Variants in TSKS observed in about 807,000 individuals in gnomAD.
The protein encoded by TSKS is testis-specific serine kinase substrate.
A neutral mutation model predicts 68.0 loss-of-function variants in TSKS; 27 were observed. The ratio of observed to expected loss-of-function variants is 0.40; its 90% CI spans 0.29 to 0.55. The LOEUF is 0.55. TSKS is among the 20% of genes least tolerant of loss of function. TSKS has a pLI of 0.53. For synonymous variants in TSKS, 331 were observed against 340.4 expected (o/e 0.97, Z 0.30); for missense variants, 806 against 776.0 (o/e 1.04, Z -0.46).
At chr19:49,754,479 A>G (rs144212152) in intron 2 of TSKS, among the ~76,000 whole-genome samples, 200 of 151,942 alleles carry the variant, frequency 1.3e-3, no homozygotes, top group Non-Finnish European at 2.5e-3. Flanking sequence ...AGCCCGGGTG[A>G]TAGAGTGAGA....
intron 2 of TSKS, among the ~76,000 whole-genome samples, chr19:49,760,865 G>A (rs2084434444): frequency 6.6e-6 from 1 of 152,048 alleles, no homozygotes; most frequent in Non-Finnish European, 1.5e-5. Flanking sequence ...GAGGTGGGCA[G>A]ATCACCTGAG....
chr19:49,752,764 G>A (rs755731879), intron 2 of TSKS, among the ~76,000 whole-genome samples: 1 of 152,240 alleles, frequency 6.6e-6, no homozygotes, highest in Non-Finnish European at 1.5e-5. Flanking sequence ...GCCTTGAAAT[G>A]TTCCAACAAA....
chr19:49,740,945 G>A (rs1231501901), intron 9 of TSKS, among the ~76,000 whole-genome samples: 1 of 151,806 alleles, frequency 6.6e-6, no homozygotes, highest in Non-Finnish European at 1.5e-5. Context: ...TTGGGAGGCT[G>A]AGGCAGGCGG....
chr19:49,753,274 T>C (rs2084365227), intron 2 of TSKS, among the ~76,000 whole-genome samples: 1 of 151,914 alleles, frequency 6.6e-6, no homozygotes, highest in Non-Finnish European at 1.5e-5. Flanking sequence ...AAAATAGTAA[T>C]AAAATAGGCC....
intron 2 of TSKS, among the ~76,000 whole-genome samples, chr19:49,752,407 G>C (rs1014022551): frequency 1.3e-5 from 2 of 148,928 alleles, no homozygotes; most frequent in African/African-American, 2.5e-5. Context: ...AAAAAAACTT[G>C]TGTGGCATCT....
rs1436556360 is a variant in TSKS at position 49,762,105 on chromosome 19, A to G, written c.298T>C (p.Ser100Pro). The change falls in exon 2 of 11, where the codon TCC becomes CCC. Residue 100 changes from serine to proline, a missense_variant. Coordinates refer to ENST00000246801, the MANE Select transcript of TSKS (RefSeq NM_021733.2). ...MEPTDSTGTD[S>P]TVEDLSGQLT... ...TGGCCGCTGAGGTCTTCCACTGTGG[A>G]GTCTGTCCCCGTGGAGTCAGTGGGC... is the stretch of plus-strand genomic sequence containing the variant. 1.9e-6 allele frequency: 3 copies of G among 1,614,048 alleles called. No individual in the cohort carries two copies. The highest frequency in any genetic ancestry group is 1.1e-5 in the South Asian group (1 of 91,080).
intron 2 of TSKS, among the ~76,000 whole-genome samples, chr19:49,759,329 C>T (rs1343641006): frequency 1.3e-5 from 2 of 151,306 alleles, no homozygotes; most frequent in East Asian, 2.0e-4. Context: ...ATTAGCCGGG[C>T]GTGGTGGCAC....
At chr19:49,762,307 A>C in intron 1 of TSKS, 75 bp from the exon 2 acceptor site, 3 of 1,131,658 alleles carry the variant, frequency 2.7e-6, no homozygotes, top group Non-Finnish European at 3.9e-6. Flanking sequence ...TCCTTTCTCC[A>C]TACCTCACCC....
At chr19:49,751,465 G>A (rs1305910054) in intron 2 of TSKS, among the ~76,000 whole-genome samples, 1 of 141,740 alleles carries the variant, frequency 7.1e-6, no homozygotes, top group African/African-American at 2.9e-5. Flanking sequence ...AGTGACTCTC[G>A]ATAAAAAACG....
rs140189613 is a variant in TSKS, at chr19:49,744,833, G to A, written c.1187+369C>T. 4.4e-3 allele frequency among the ~76,000 whole-genome samples: 669 copies of A among 152,128 alleles called. 7 individuals carry two copies. Among genetic ancestry groups the A allele is most frequent in the African/African-American group, 0.016 (648 of 41,474 alleles). On this transcript the variant is annotated intron_variant, in intron 7 of 10. Transcript: ENST00000246801. ...TTGCACTCCTGGCCTCAAGTAATCC[G>A]CCCACGTCGGCCTCCCAATGTGCTG...
At chr19:49,759,293 AC>A (rs1367690206) in intron 2 of TSKS, among the ~76,000 whole-genome samples, 2 of 150,896 alleles carry the variant, frequency 1.3e-5, no homozygotes, top group African/African-American at 4.9e-5. Context: ...ACATGGTGAA[AC>A]CCCGTCTCTA....
chr19:49,748,573 G>C (rs972570985), intron 2 of TSKS, 104 bp from the exon 3 acceptor site: 2 of 1,089,704 alleles, frequency 1.8e-6, no homozygotes, highest in Admixed American at 2.3e-5. Context: ...CCTTGATTTT[G>C]CCCTGGAATG....
At position 49,739,916 on chromosome 19, in the gene TSKS, G is replaced by C; in HGVS notation, c.1639C>G (p.Leu547Val). The change falls in exon 11 of 11, where the codon CTG becomes GTG. Residue 547 changes from leucine to valine, a missense_variant. Transcript: ENST00000246801. ...CACATCTTCAAGTGTAGATGGTCCA[G>C]AGTGGCCATCTTCTCCCTGTCATGA... ...KMKPEEKMAT[L>V]DHLHLKMCSL... 1.9e-6 allele frequency: 3 copies of C among 1,612,572 alleles called. No homozygotes were observed. Among genetic ancestry groups the C allele is most frequent in the Non-Finnish European group, 2.5e-6 (3 of 1,178,870 alleles).
chr19:49,758,102 T>TGGTCTCTGTACCCCACTCTCTG (rs2084408115), intron 2 of TSKS, among the ~76,000 whole-genome samples: 1 of 147,666 alleles, frequency 6.8e-6, no homozygotes, highest in African/African-American at 2.6e-5. Context: ...TCCTCTCTCT[T>TGGTCTCTGTACCCCACTCTCTG]GGTCTCTGTC....
At chr19:49,753,494 G>A (rs908719498) in intron 2 of TSKS, among the ~76,000 whole-genome samples, 7 of 151,320 alleles carry the variant, frequency 4.6e-5, no homozygotes, top group East Asian at 1.9e-4. Context: ...CCCGGGAGGC[G>A]GAGCTTGCAG....
intron 9 of TSKS, 133 bp downstream of exon 9, chr19:49,741,752 C>G: frequency 7.9e-7 from 1 of 1,262,790 alleles, no homozygotes; most frequent in Non-Finnish European, 1.1e-6. Context: ...AAGTCCTCCC[C>G]CAGTGCCTGC....
At chr19:49,761,974 T>C (rs765365565) in intron 2 of TSKS, 30 bp downstream of exon 2, 243 of 1,582,230 alleles carry the variant, frequency 1.5e-4, no homozygotes, top group Non-Finnish European at 2.0e-4. Flanking sequence ...ACCTCGGTCC[T>C]CCCCAGCGGG....
chr19:49,749,436 G>T (rs570245474), intron 2 of TSKS, among the ~76,000 whole-genome samples: 34 of 152,272 alleles, frequency 2.2e-4, no homozygotes, highest in African/African-American at 7.7e-4. Context: ...CCAATCCGTG[G>T]TTCAGGAGGG....
intron 2 of TSKS, among the ~76,000 whole-genome samples, chr19:49,749,222 A>G (rs1391583074): frequency 6.6e-6 from 1 of 151,990 alleles, no homozygotes; most frequent in East Asian, 1.9e-4. Flanking sequence ...ATTCTTCACA[A>G]CTCCGCCTCT....
Sources: allele counts gnomAD v4.1 joint callset (sites outside exome capture counted in the v4.1 genomes callset), GRCh38; gene constraint gnomAD v4.1.1; transcripts MANE v1.5; gene names NCBI Gene and HGNC (gene_info 2026-07-23, HGNC 2026-07-21).